The following KCNMA1 variants were observed in gnomAD, a reference collection of about 807,000 sequenced individuals.
The protein encoded by KCNMA1 is potassium calcium-activated channel subfamily M alpha 1.
In KCNMA1, 29 loss-of-function variants were observed where a neutral mutation model predicts 140.0. The ratio of observed to expected loss-of-function variants is 0.21; its 90% CI spans 0.15 to 0.28. The LOEUF (loss-of-function observed/expected upper bound fraction) is 0.28, where lower values mean the gene tolerates loss of function less well. Ranked by LOEUF, KCNMA1 falls within the 10% of genes least tolerant of loss-of-function variation. The probability of loss-of-function intolerance (pLI) is 1.00; values close to 1 mark genes in which losing one functional copy is unlikely to be tolerated. For missense variants in KCNMA1, 880 were observed against 1,602.2 expected (o/e 0.55, Z 7.70); for synonymous variants, 612 against 611.9 (o/e 1.00, Z 0.00).
intron 1 of KCNMA1, among the ~76,000 whole-genome samples, chr10:77,461,716 T>C (rs117587084): frequency 5.3e-5 from 8 of 152,200 alleles, no homozygotes; most frequent in Non-Finnish European, 1.0e-4. Flanking sequence ...CACTTCTGAG[T>C]CTGTCACATA....
chr10:77,382,982 G>GTATATATATA (rs1697557016), intron 2 of KCNMA1, among the ~76,000 whole-genome samples: 1 of 75,372 alleles, frequency 1.3e-5, no homozygotes, highest in African/African-American at 7.6e-5. Context: ...GTGTGTGTGT[G>GTATATATATA]TGTGTGTGTG....
chr10:77,293,215 G>T (rs1377238201), intron 2 of KCNMA1, among the ~76,000 whole-genome samples: 1 of 152,164 alleles, frequency 6.6e-6, no homozygotes, highest in African/African-American at 2.4e-5. Context: ...CATTTAAAAA[G>T]ATCACTTTGG....
chr10:77,135,521 C>T (rs961831538), intron 5 of KCNMA1, among the ~76,000 whole-genome samples: 3 of 152,182 alleles, frequency 2.0e-5, no homozygotes, highest in African/African-American at 2.4e-5. Context: ...ATGAAATCAA[C>T]GTGCTGAAGA....
At chr10:76,915,160 C>G (rs1246987183) in intron 23 of KCNMA1, 111 bp from the exon 24 acceptor site, 4 of 726,972 alleles carry the variant, frequency 5.5e-6, no homozygotes, top group African/African-American at 1.7e-5. Context: ...ATGCATTATT[C>G]ACAGGTCAAC....
At chr10:77,007,844 T>C (rs1003016932) in intron 18 of KCNMA1, among the ~76,000 whole-genome samples, 1 of 151,870 alleles carries the variant, frequency 6.6e-6, no homozygotes, top group African/African-American at 2.4e-5. Context: ...GCCTAATCAG[T>C]GTCCCTTAAA....
At chr10:77,272,195 T>C (rs1565636703) in intron 2 of KCNMA1, among the ~76,000 whole-genome samples, 1 of 152,160 alleles carries the variant, frequency 6.6e-6, no homozygotes, top group Non-Finnish European at 1.5e-5. Flanking sequence ...AGAAAATAAA[T>C]TCTGTAAGGA....
intron 6 of KCNMA1, among the ~76,000 whole-genome samples, chr10:77,112,842 A>G (rs1312770232): frequency 1.9e-5 from 2 of 107,598 alleles, no homozygotes; most frequent in Admixed American, 8.7e-5. Context: ...TGCCATGTAC[A>G]TATATATATA....
At chr10:77,499,426 CACACACACAT>C (rs2043061800) in intron 1 of KCNMA1, among the ~76,000 whole-genome samples, 2 of 135,360 alleles carry the variant, frequency 1.5e-5, no homozygotes, top group Non-Finnish European at 3.1e-5. Context: ...TATATATACA[CACACACACAT>C]ACACACACAC....
intron 2 of KCNMA1, among the ~76,000 whole-genome samples, chr10:77,317,893 T>C (rs2081295551): frequency 6.6e-6 from 1 of 152,226 alleles, no homozygotes; most frequent in South Asian, 2.1e-4. Context: ...TTCACGGTTT[T>C]GTTTAAGGCA....
At chr10:77,442,357 G>A (rs774399307) in intron 1 of KCNMA1, among the ~76,000 whole-genome samples, 2 of 151,714 alleles carry the variant, frequency 1.3e-5, no homozygotes, top group African/African-American at 4.8e-5. Flanking sequence ...CTAGACCCCC[G>A]CCACCTCCCC....
chr10:76,879,317 G>T (rs1337914754), intron 29 of KCNMA1, among the ~76,000 whole-genome samples: 1 of 152,114 alleles, frequency 6.6e-6, no homozygotes, highest in Non-Finnish European at 1.5e-5. Flanking sequence ...CAGGAAACTT[G>T]CTGCCTCTTG....
chr10:77,349,426 A>G (rs2092603276), intron 2 of KCNMA1, among the ~76,000 whole-genome samples: 4 of 152,198 alleles, frequency 2.6e-5, no homozygotes, highest in Admixed American at 6.5e-5. Flanking sequence ...CAGCAGGCCA[A>G]ACAGACTAAG....
At chr10:77,422,115 G>A (rs1158588341) in intron 1 of KCNMA1, among the ~76,000 whole-genome samples, 1 of 152,200 alleles carries the variant, frequency 6.6e-6, no homozygotes, top group Non-Finnish European at 1.5e-5. Context: ...CACTCATTTT[G>A]ACCAAATAAC....
intron 3 of KCNMA1, among the ~76,000 whole-genome samples, chr10:77,248,459 CCT>C (rs1235447363): frequency 1.3e-5 from 2 of 152,152 alleles, no homozygotes; most frequent in African/African-American, 2.4e-5. Flanking sequence ...TAGACTGTCC[CCT>C]GATTCATTTA....
In KCNMA1 at chr10:77,141,104, C is replaced by T. The variant is rs547800590; in HGVS notation, c.809-20056G>A. ...TGGCCACCTCCCACCACTAACATAACCCAAATACGCAAATCCTCTGCTAAT... is the reference window on the plus strand; with the variant it reads ...TGGCCACCTCCCACCACTAACATAATCCAAATACGCAAATCCTCTGCTAAT... On this transcript the variant is annotated intron_variant, in intron 5 of 27. Transcript: ENST00000286628. Among the ~76,000 whole-genome samples, 68 of 152,258 alleles carry T rather than the reference C, an allele frequency of 4.5e-4. No individual in the cohort carries two copies. In the South Asian group the frequency reaches 0.014, roughly 31 times the overall value.
intron 1 of KCNMA1, among the ~76,000 whole-genome samples, chr10:77,499,451 A>T (rs2043084407): frequency 6.6e-6 from 1 of 150,922 alleles, no homozygotes; most frequent in East Asian, 2.0e-4. Flanking sequence ...ACACACACAC[A>T]CACACATATA....
chr10:77,101,172 G>A (rs1047712751), intron 9 of KCNMA1, among the ~76,000 whole-genome samples: 9 of 151,992 alleles, frequency 5.9e-5, no homozygotes, highest in African/African-American at 1.7e-4. Context: ...CATGTCCCAC[G>A]CCCACCAAGA....
intron 2 of KCNMA1, among the ~76,000 whole-genome samples, chr10:77,394,393 A>C (rs250704): frequency 0.81 from 123,007 of 152,188 alleles, 50,065 homozygotes; most frequent in African/African-American, 0.89. Context: ...TGCAGACCAG[A>C]AGCTGCTGCG....
At chr10:77,004,651 G>A (rs1024249345) in intron 18 of KCNMA1, among the ~76,000 whole-genome samples, 1 of 152,164 alleles carries the variant, frequency 6.6e-6, no homozygotes, top group African/African-American at 2.4e-5. Flanking sequence ...CACTCTCTGT[G>A]TAAAATTATA....
Sources: allele counts gnomAD v4.1 joint callset (sites outside exome capture counted in the v4.1 genomes callset), GRCh38; gene constraint gnomAD v4.1.1; transcripts MANE v1.5; gene names NCBI Gene and HGNC (gene_info 2026-07-23, HGNC 2026-07-21).